ZBTB20: variants seen among roughly 807,000 people sequenced by gnomAD.
The protein encoded by ZBTB20 is zinc finger and BTB domain containing 20.
A neutral mutation model predicts 56.9 loss-of-function variants in ZBTB20; 9 were observed. That is an observed-to-expected ratio of 0.16 (90% CI 0.10 to 0.28). ZBTB20 has a LOEUF of 0.28. Ranked by LOEUF, ZBTB20 falls within the 10% of genes least tolerant of loss-of-function variation. ZBTB20 has a pLI of 1.00. For missense variants in ZBTB20, 655 were observed against 1,003.0 expected (o/e 0.65, Z 4.69); for synonymous variants, 417 against 420.7 (o/e 0.99, Z 0.11).
At chr3:114,381,335 G>A (rs1445230059) in intron 8 of ZBTB20, among the ~76,000 whole-genome samples, 1 of 152,148 alleles carries the variant, frequency 6.6e-6, no homozygotes, top group Non-Finnish European at 1.5e-5. Flanking sequence ...GAAAGTAATT[G>A]TTACTAATTG....
At chr3:115,125,829 T>C (rs1484273404) in intron 1 of ZBTB20, among the ~76,000 whole-genome samples, 1 of 152,150 alleles carries the variant, frequency 6.6e-6, no homozygotes, top group African/African-American at 2.4e-5. Flanking sequence ...ATAATTGTTG[T>C]CAATTAAAAA....
intron 4 of ZBTB20, among the ~76,000 whole-genome samples, chr3:114,841,923 C>T (rs1281466481): frequency 6.6e-6 from 1 of 152,154 alleles, no homozygotes; most frequent in Non-Finnish European, 1.5e-5. Context: ...CAGAGAACAT[C>T]AACTTTAGTA....
intron 1 of ZBTB20, among the ~76,000 whole-genome samples, chr3:115,145,135 G>C (rs2084925845): frequency 6.6e-6 from 1 of 152,172 alleles, no homozygotes; most frequent in Admixed American, 6.5e-5. Context: ...AATTTCAAAA[G>C]CTTTCCTGGG....
At chr3:114,751,862 G>A (rs1560207488) in intron 5 of ZBTB20, among the ~76,000 whole-genome samples, 1 of 152,106 alleles carries the variant, frequency 6.6e-6, no homozygotes, top group Non-Finnish European at 1.5e-5. Context: ...CTTAATGTGT[G>A]TTGGAAAGAT....
intron 1 of ZBTB20, among the ~76,000 whole-genome samples, chr3:115,099,580 C>T (rs2083503146): frequency 6.6e-6 from 1 of 152,172 alleles, no homozygotes; most frequent in South Asian, 2.1e-4. Context: ...TCAGCAACTA[C>T]CCCTCACCTT....
Position 114,351,938 on chromosome 3 carries a change from C to A in ZBTB20, c.200-60G>T. On this transcript the variant is annotated intron_variant, in intron 10 of 11. Transcript: ENST00000675478. ...TGGGTCAGATCTAGCTGGTTGCATT[C>A]CTAACACCTAGGTTTCAGGTGAGTA... 2.6e-6 allele frequency: 4 copies of A among 1,544,390 alleles called. No homozygotes were observed. The South Asian group carries it at 3.7e-5, about 14-fold the overall frequency.
At position 114,733,007 on chromosome 3, in the gene ZBTB20, T is replaced by C. The variant is rs534540036; in HGVS notation, c.-342-39432A>G. ...CATAAATGCTCCAACAGGAATGAAA[T>C]AGAGAATATAAAATAAATGTTCCAA... On this transcript the variant is annotated intron_variant, in intron 5 of 11. Coordinates refer to ENST00000675478, the MANE Select transcript of ZBTB20 (RefSeq NM_001348800.3). Among the ~76,000 whole-genome samples the C allele has an allele frequency of 3.3e-5, 5 of 152,072 alleles. No individual in the cohort carries two copies. In the East Asian group the frequency reaches 9.7e-4, roughly 29 times the overall value.
intron 5 of ZBTB20, among the ~76,000 whole-genome samples, chr3:114,759,962 G>C (rs1350873190): frequency 2.6e-5 from 4 of 152,028 alleles, no homozygotes; most frequent in African/African-American, 7.2e-5. Flanking sequence ...CAACACACTT[G>C]AGTCCATTAT....
chr3:114,615,652 G>A (rs1243508210), intron 6 of ZBTB20, among the ~76,000 whole-genome samples: 2 of 152,104 alleles, frequency 1.3e-5, no homozygotes, highest in Non-Finnish European at 2.9e-5. Context: ...ATATAACTGC[G>A]TTTAGCCCTT....
rs2078636997 is a variant in ZBTB20, at chr3:114,315,329, A to G, written c.*23676T>C. The G allele has an allele frequency of 6.6e-6, 1 of 152,164 alleles. No homozygotes were observed. Among genetic ancestry groups the G allele is most frequent in the African/African-American group, 2.4e-5 (1 of 41,438 alleles). 9.4% of individuals were successfully genotyped at this position (152,164 alleles called of 1,614,324 possible). On this transcript the variant is annotated 3_prime_UTR_variant, in exon 12 of 12. Transcript: ENST00000675478. ...TCTTTCCTTGCCTCTCCCTCTTTCC[A>G]AACTCTTCCTCAATTCCCAGGTCTT...
At chr3:115,099,530 T>C (rs1469898802) in intron 1 of ZBTB20, among the ~76,000 whole-genome samples, 1 of 152,218 alleles carries the variant, frequency 6.6e-6, no homozygotes, top group Non-Finnish European at 1.5e-5. Context: ...TGTTTCTATG[T>C]GTGTGATGAC....
chr3:114,502,282 T>C (rs1236446819), intron 6 of ZBTB20, among the ~76,000 whole-genome samples: 2 of 152,184 alleles, frequency 1.3e-5, no homozygotes, highest in African/African-American at 2.4e-5. Context: ...TATCTTTGCA[T>C]TGAAAAGGCT....
intron 3 of ZBTB20, among the ~76,000 whole-genome samples, chr3:114,971,436 T>G (rs558626057): frequency 6.6e-6 from 1 of 152,310 alleles, no homozygotes; most frequent in South Asian, 2.1e-4. Context: ...TTATAGTACT[T>G]ACCCCAAATA....
chr3:114,548,442 T>C (rs2050159886), intron 6 of ZBTB20, among the ~76,000 whole-genome samples: 1 of 152,178 alleles, frequency 6.6e-6, no homozygotes, highest in Non-Finnish European at 1.5e-5. Context: ...ATTACATTCA[T>C]CTACAGGTGT....
Position 114,910,703 on chromosome 3 carries a change from C to CA in ZBTB20, c.-455-10362dup, listed in dbSNP as rs377390050. 6.9e-3 allele frequency among the ~76,000 whole-genome samples: 1,050 copies of CA among 151,198 alleles called. 16 individuals are homozygous for CA. The highest frequency in any genetic ancestry group is 0.023 in the African/African-American group (964 of 41,272). On this transcript the variant is annotated intron_variant, in intron 3 of 11. Coordinates refer to ENST00000675478, the MANE Select transcript of ZBTB20 (RefSeq NM_001348800.3). ...ACAATTGTATAAATAAAATGATGCT[C>CA]AAAAAAAATAAATGGGCTCAAAGTC...
chr3:114,962,571 T>C (rs1000689000), intron 3 of ZBTB20, among the ~76,000 whole-genome samples: 1 of 152,134 alleles, frequency 6.6e-6, no homozygotes, highest in African/African-American at 2.4e-5. Context: ...CAGTATAATA[T>C]AAAAGCTTAA....
chr3:115,101,742 C>T (rs956521336), intron 1 of ZBTB20, among the ~76,000 whole-genome samples: 3 of 152,062 alleles, frequency 2.0e-5, no homozygotes, highest in Admixed American at 1.3e-4. Flanking sequence ...TCAAACCCTG[C>T]GTTTGGGCAA....
chr3:114,475,055 C>T (rs1006906171), intron 7 of ZBTB20, among the ~76,000 whole-genome samples: 2 of 152,140 alleles, frequency 1.3e-5, no homozygotes, highest in African/African-American at 4.8e-5. Context: ...ATAATCAAGT[C>T]CTTTCACTTT....
At chr3:114,653,343 G>T (rs1020607562) in intron 6 of ZBTB20, among the ~76,000 whole-genome samples, 4 of 151,834 alleles carry the variant, frequency 2.6e-5, no homozygotes, top group Non-Finnish European at 4.4e-5. Flanking sequence ...CACTGTGAAT[G>T]ACTGTCAAAT....
Sources: allele counts gnomAD v4.1 joint callset (sites outside exome capture counted in the v4.1 genomes callset), GRCh38; gene constraint gnomAD v4.1.1; transcripts MANE v1.5; gene names NCBI Gene and HGNC (gene_info 2026-07-23, HGNC 2026-07-21).